HPS1: variants seen among roughly 807,000 people sequenced by gnomAD.
HPS1 encodes BLOC-3 complex member HPS1.
Under a neutral mutation model 90.6 loss-of-function variants are expected in HPS1, and 59 were observed. The observed-to-expected ratio is 0.65, with a 90% CI of 0.53 to 0.81. HPS1 has a LOEUF of 0.81. Ranked by LOEUF, HPS1 falls within the 30% of genes least tolerant of loss-of-function variation. The pLI is 0.00. For synonymous variants in HPS1, 388 were observed against 384.4 expected, an observed-to-expected ratio of 1.01 and a Z score of -0.11; for missense variants, 849 against 896.7, an observed-to-expected ratio of 0.95 and a Z score of 0.68.
chr10:98,439,069 G>A (rs1937924633), intron 3 of HPS1, among the ~76,000 whole-genome samples: 1 of 152,190 alleles, frequency 6.6e-6, no homozygotes. Flanking sequence ...CAAAAACTGA[G>A]GTTTGGGAAC....
In HPS1 at chr10:98,435,238, C is replaced by T; in HGVS notation, c.398+34G>A. 1 of 1,613,578 alleles carries T rather than the reference C, an allele frequency of 6.2e-7. No homozygotes were observed. The highest frequency in any genetic ancestry group is 8.5e-7 in the Non-Finnish European group (1 of 1,179,988). Reference sequence around the variant, plus strand: ...TGCCTGGCCCAGCGAGGGTGCTCGGCAAAGGACAGAGGGGACCAGCTTTGA... The same window carrying T: ...TGCCTGGCCCAGCGAGGGTGCTCGGTAAAGGACAGAGGGGACCAGCTTTGA... On this transcript the variant is annotated intron_variant, in intron 5 of 19. Transcript: ENST00000361490. This position sits in a 1 kb window ranked among gnomAD's most constrained non-coding sequence, Gnocchi z 4.3.
chr10:98,424,724 G>A (rs1374891365), intron 13 of HPS1, among the ~76,000 whole-genome samples: 1 of 152,180 alleles, frequency 6.6e-6, no homozygotes, highest in Non-Finnish European at 1.5e-5. Context: ...TGCTGCAGAA[G>A]CTGGGAGGGT....
chr10:98,427,008 C>G (rs945205552), intron 11 of HPS1, among the ~76,000 whole-genome samples: 1 of 152,142 alleles, frequency 6.6e-6, no homozygotes, highest in African/African-American at 2.4e-5. Context: ...GGGGCAAGTT[C>G]GCCACCCCTC....
intron 15 of HPS1, 38 bp from the exon 16 acceptor site, chr10:98,423,706 G>A (rs140537475): frequency 1.2e-6 from 2 of 1,614,074 alleles, no homozygotes; most frequent in South Asian, 1.1e-5. Flanking sequence ...AGGAAGTACG[G>A]GCCCCAGACC....
chr10:98,428,807 C>A (rs1845952303), intron 10 of HPS1, among the ~76,000 whole-genome samples: 1 of 150,570 alleles, frequency 6.6e-6, no homozygotes, highest in African/African-American at 2.5e-5. Flanking sequence ...GCAAGGTTGT[C>A]CATTTTTTGT....
In HPS1 at chr10:98,435,403, G is replaced by A. The variant is rs2136252732; in HGVS notation, c.267C>T (p.Cys89=). Reference sequence around the variant, plus strand: ...GGTCACCATTGATGGCAATGAACAGGCATTCTCCAAACTGCAGGCACAGGC... The same window carrying A: ...GGTCACCATTGATGGCAATGAACAGACATTCTCCAAACTGCAGGCACAGGC... ...FLYVLHLFGE[C]LFIAINGDHT... The change falls in exon 5 of 20, where the codon TGC becomes TGT. Residue 89 remains cysteine, a synonymous_variant. Transcript: ENST00000361490. This position sits in a 1 kb window ranked among gnomAD's most constrained non-coding sequence, Gnocchi z 4.3. The A allele has an allele frequency of 6.2e-7, 1 of 1,613,824 alleles. No homozygotes were observed. The highest frequency in any genetic ancestry group is 1.1e-5 in the South Asian group (1 of 91,072).
intron 18 of HPS1, among the ~76,000 whole-genome samples, chr10:98,419,318 G>A (rs764508882): frequency 1.7e-4 from 26 of 152,176 alleles, no homozygotes; most frequent in Non-Finnish European, 3.4e-4. Flanking sequence ...ACTCCTGAGA[G>A]CTGGAACAAC....
intron 3 of HPS1, among the ~76,000 whole-genome samples, chr10:98,438,732 A>G (rs1937837087): frequency 1.3e-5 from 2 of 152,220 alleles, no homozygotes; most frequent in Admixed American, 1.3e-4. Context: ...TTCTGAGGAG[A>G]AATTCAAGCC....
intron 5 of HPS1, chr10:98,434,978 G>A (rs1446371723): frequency 2.2e-6 from 1 of 448,380 alleles, no homozygotes; most frequent in East Asian, 4.6e-5. Context: ...TGGGAGGATG[G>A]AAAGAGCACT....
Position 98,419,907 on chromosome 10 carries a change from T to C in HPS1, c.1857+138A>G, listed in dbSNP as rs143699860. 103 of 753,006 alleles carry C rather than the reference T, an allele frequency of 1.4e-4. 1 individual carries two copies. In the African/African-American group the frequency reaches 1.5e-3, roughly 11 times the overall value. 46.6% of individuals were successfully genotyped at this position (753,006 alleles called of 1,614,324 possible). A position where few individuals can be genotyped will look rare whatever the true frequency, so the allele number is the denominator to read the frequency against. ...GAAAATGTGACCTCTGAACTCTGGCTCCCAACCTGCTGGGCTTACCAGCAA... is the reference window on the plus strand; with the variant it reads ...GAAAATGTGACCTCTGAACTCTGGCCCCCAACCTGCTGGGCTTACCAGCAA... On this transcript the variant is annotated intron_variant, in intron 18 of 19. Transcript: ENST00000361490.
intron 10 of HPS1, 194 bp downstream of exon 10, chr10:98,429,379 C>G: frequency 6.6e-7 from 1 of 1,525,360 alleles, no homozygotes; most frequent in Non-Finnish European, 8.8e-7. Flanking sequence ...GTGGTCTTAA[C>G]AATCCTTGAG....
Position 98,418,222 on chromosome 10 carries a change from G to A in HPS1, c.1893C>T (p.Leu631=). ...YKLQMIEVPV[L]SDDSVPIGML... is the part of the protein sequence containing the mutation. ...TGCCGATAGGCACTGAGTCGTCGGA[G>A]AGGACGGGCACCTCGATCATCTGGA... The change falls in exon 19 of 20, where the codon CTC becomes CTT. Residue 631 remains leucine, a synonymous_variant. Coordinates refer to ENST00000361490, the MANE Select transcript of HPS1 (RefSeq NM_000195.5). 2.5e-6 allele frequency: 4 copies of A among 1,610,980 alleles called. No individual in the cohort carries two copies. Among genetic ancestry groups the A allele is most frequent in the South Asian group, 1.1e-5 (1 of 90,636 alleles).
chr10:98,435,757 C>T lies in HPS1; in HGVS notation c.133G>A (p.Asp45Asn), dbSNP rs1847233113. The T allele has an allele frequency of 6.2e-7, 1 of 1,613,948 alleles. No individual in the cohort carries two copies. The highest frequency in any genetic ancestry group is 2.2e-5 in the East Asian group (1 of 44,886). The change falls in exon 4 of 20, where the codon GAC (aspartate) becomes AAC (asparagine). Residue 45 changes from aspartate to asparagine, a missense_variant. Physicochemically the swap from Asp to Asn is conservative, Grantham distance 23 (BLOSUM62 1). Coordinates refer to ENST00000361490, the MANE Select transcript of HPS1 (RefSeq NM_000195.5). The surrounding 1 kb of genome is among the most constrained non-coding windows in gnomAD (Gnocchi z 4.3). ...NEEEELPALE[D>N]QLSTLLAPVI... Reference sequence around the variant, plus strand: ...GGGGCTAGGAGGGTGCTGAGCTGGTCCTCCAGGGCAGGGAGCTGCAAAAAT... The same window carrying T: ...GGGGCTAGGAGGGTGCTGAGCTGGTTCTCCAGGGCAGGGAGCTGCAAAAAT...
At chr10:98,431,517 G>A (rs1342124940) in intron 6 of HPS1, among the ~76,000 whole-genome samples, 3 of 152,252 alleles carry the variant, frequency 2.0e-5, no homozygotes, top group African/African-American at 7.2e-5. Flanking sequence ...AGGAAATAAA[G>A]TAAGTGCCAT....
rs569192835 is a variant in HPS1 at position 98,423,616 on chromosome 10, T to C, written c.1585A>G (p.Ile529Val). 351 of 1,613,930 alleles carry C rather than the reference T, an allele frequency of 2.2e-4. 2 individuals carry two copies. The South Asian group carries it at 3.4e-3, about 16-fold the overall frequency. The change falls in exon 16 of 20, where the codon ATC (isoleucine) becomes GTC (valine). Residue 529 changes from isoleucine (I) to valine (V), a missense_variant. Physicochemically the swap from Ile to Val is conservative, Grantham distance 29 (BLOSUM62 3). Transcript: ENST00000361490. The stretch of plus-strand genomic sequence containing the variant: ...GCGTCAGGATATGACACCATGGTGA[T>C]GTTCCTCCTGCTCTTCACCAGCAAG... ...DFLLVKSRRNITMVSYLEDFP... is the reference protein window; with the variant it reads ...DFLLVKSRRNVTMVSYLEDFP...
intron 10 of HPS1, chr10:98,429,088 C>T (rs540841127): frequency 4.0e-5 from 16 of 401,588 alleles, no homozygotes; most frequent in East Asian, 1.2e-4. Flanking sequence ...GTGATCTACC[C>T]GCCTCGGCCT....
At chr10:98,443,270 C>T (rs1938784462) in intron 2 of HPS1, 30 bp from the exon 3 acceptor site, 1 of 1,534,176 alleles carries the variant, frequency 6.5e-7, no homozygotes. Flanking sequence ...TCAAGGTCAG[C>T]CTCCAGCCCC....
rs770077009 is a variant in HPS1, at chr10:98,429,791, C to A, written c.867G>T (p.Thr289=). 2 of 1,613,700 alleles carry A rather than the reference C, an allele frequency of 1.2e-6. No individual in the cohort carries two copies. Among genetic ancestry groups the A allele is most frequent in the African/African-American group, 2.7e-5 (2 of 74,952 alleles). The change falls in exon 9 of 20, where the codon ACG becomes ACT. Residue 289 remains threonine, a splice_region_variant and synonymous_variant. Transcript: ENST00000361490. ...ACTCCACGAAGTGCACAGCACACAC[C>A]GTCTCTGCAGAGCTCCCCCCAGTTG... The part of the protein sequence containing the change: ...TGPTGGSSAE[T]ETDSFSLPEE...
chr10:98,430,728 G>A, intron 7 of HPS1, 58 bp from the exon 8 acceptor site: 1 of 1,418,450 alleles, frequency 7.0e-7, no homozygotes, highest in Non-Finnish European at 9.7e-7. Context: ...GACGGGGCAG[G>A]CAGGTTAAAG....
Sources: allele counts gnomAD v4.1 joint callset (sites outside exome capture counted in the v4.1 genomes callset), GRCh38; gene constraint gnomAD v4.1.1; non-coding constraint Gnocchi (gnomAD v3.1); transcripts MANE v1.5; gene names NCBI Gene and HGNC (gene_info 2026-07-23, HGNC 2026-07-21).